The following DBNL variants were observed in gnomAD, a reference collection of about 807,000 sequenced individuals.
The protein encoded by DBNL is drebrin like, also known as drebrin-like protein.
DBNL carries 35 observed loss-of-function variants against 62.2 expected under a neutral mutation model. That is an observed-to-expected ratio of 0.56 (90% CI 0.43 to 0.75). DBNL has a LOEUF of 0.75. DBNL is among the 30% of genes least tolerant of loss of function. The pLI, the probability that DBNL is intolerant of heterozygous loss-of-function variation, is 0.00. For missense variants in DBNL, 495 were observed against 578.4 expected (o/e 0.86, Z 1.48); for synonymous variants, 197 against 218.0 (o/e 0.90, Z 0.85).
intron 2 of DBNL, chr7:44,051,054 T>G (rs2128790489): frequency 6.6e-6 from 1 of 152,334 alleles, no homozygotes; most frequent in East Asian, 1.9e-4. Flanking sequence ...GTTGCAGAGA[T>G]CAACAACTTG....
At chr7:44,053,124 G>T (rs10951755) in intron 4 of DBNL, among the ~76,000 whole-genome samples, 183 bp downstream of exon 4, 30,199 of 152,214 alleles carry the variant, frequency 0.2, 3,418 homozygotes, top group African/African-American at 0.31. Flanking sequence ...GTGAGTGCAT[G>T]GGAGGTCAGG....
chr7:44,061,037 C>A lies in DBNL; in HGVS notation c.*121C>A. ...ATAGGACCCCCAGTGAGGATGAGGC[C>A]TCAGGGCTCCCTCCGGCTTGGCAGA... On this transcript the variant is annotated 3_prime_UTR_variant, in exon 13 of 13. Transcript: ENST00000448521. 2 of 1,361,282 alleles carry A rather than the reference C, an allele frequency of 1.5e-6. No individual in the cohort carries two copies. The highest frequency in any genetic ancestry group is 2.0e-6 in the Non-Finnish European group (2 of 1,022,256). 84.3% of individuals were successfully genotyped at this position (1,361,282 alleles called of 1,614,324 possible). A position where few individuals can be genotyped will look rare whatever the true frequency, so the allele number is the denominator to read the frequency against.
chr7:44,045,287 C>T (rs763841001), intron 1 of DBNL, among the ~76,000 whole-genome samples: 1 of 152,210 alleles, frequency 6.6e-6, no homozygotes, highest in East Asian at 1.9e-4. Flanking sequence ...GCCTGGCAGC[C>T]GGGCTGTGAA....
At chr7:44,055,337 G>A (rs1334737825) in intron 4 of DBNL, among the ~76,000 whole-genome samples, 3 of 152,034 alleles carry the variant, frequency 2.0e-5, no homozygotes, top group Non-Finnish European at 2.9e-5. Context: ...GTGTGGTGGC[G>A]GGCACCTGTA....
chr7:44,068,299 TTG>T lies in DBNL; in HGVS notation c.*7387_*7388del, dbSNP rs1562662667. On this transcript the variant is annotated 3_prime_UTR_variant, in exon 13 of 13. Transcript: ENST00000448521. ...TTGGTAGGGATGTTGCAGGGAGCTG[TTG>T]TGTTTCAGGGAGAGTACAGAGAAGG... 1 of 152,088 alleles carries T rather than the reference TTG, an allele frequency of 6.6e-6. No homozygotes were observed. Among genetic ancestry groups the T allele is most frequent in the Admixed American group, 6.6e-5 (1 of 15,250 alleles). 9.4% of individuals were successfully genotyped at this position (152,088 alleles called of 1,614,324 possible).
At chr7:44,045,450 G>A (rs1173464071) in intron 1 of DBNL, among the ~76,000 whole-genome samples, 4 of 152,180 alleles carry the variant, frequency 2.6e-5, no homozygotes, top group African/African-American at 9.7e-5. Flanking sequence ...TAGGATGCTC[G>A]CTATCTATTT....
chr7:44,045,772 T>G (rs28712841), intron 1 of DBNL, among the ~76,000 whole-genome samples: 23,130 of 152,214 alleles, frequency 0.15, 2,155 homozygotes, highest in African/African-American at 0.26. Context: ...TTTTATGCAG[T>G]GTACTATTGT....
chr7:44,049,479 A>G (rs2096122777), intron 1 of DBNL, among the ~76,000 whole-genome samples: 1 of 152,214 alleles, frequency 6.6e-6, no homozygotes, highest in Non-Finnish European at 1.5e-5. Flanking sequence ...CTTATGAATA[A>G]TTAATCTTTC....
intron 1 of DBNL, among the ~76,000 whole-genome samples, chr7:44,046,153 C>A (rs1354396316): frequency 6.6e-6 from 1 of 152,200 alleles, no homozygotes; most frequent in Non-Finnish European, 1.5e-5. Context: ...AGTATCTCTG[C>A]AATGAGTGCC....
At chr7:44,047,244 C>T (rs1277111297) in intron 1 of DBNL, among the ~76,000 whole-genome samples, 1 of 152,192 alleles carries the variant, frequency 6.6e-6, no homozygotes, top group Non-Finnish European at 1.5e-5. Context: ...GTCCTCGGTG[C>T]TTGAGGCACG....
chr7:44,057,227 C>T (rs2128793108), intron 5 of DBNL, among the ~76,000 whole-genome samples: 1 of 152,340 alleles, frequency 6.6e-6, no homozygotes, highest in Middle Eastern at 3.4e-3. Flanking sequence ...TTGGGCTGCC[C>T]CTGGAGGTAG....
intron 8 of DBNL, 49 bp downstream of exon 8, chr7:44,058,529 G>A: frequency 1.9e-6 from 3 of 1,606,238 alleles, no homozygotes; most frequent in Non-Finnish European, 2.6e-6. Flanking sequence ...GCCACACGCA[G>A]AAGTCCCTGA....
chr7:44,058,551 G>A, intron 8 of DBNL, 71 bp downstream of exon 8: 1 of 1,581,594 alleles, frequency 6.3e-7, no homozygotes, highest in Non-Finnish European at 8.6e-7. Context: ...CTCGGATTGA[G>A]GGCCCAGCCC....
At chr7:44,045,702 C>G (rs1238825514) in intron 1 of DBNL, among the ~76,000 whole-genome samples, 1 of 152,250 alleles carries the variant, frequency 6.6e-6, no homozygotes, top group Admixed American at 6.5e-5. Context: ...GGGGCCATCT[C>G]CACTTGTGTA....
intron 3 of DBNL, among the ~76,000 whole-genome samples, chr7:44,052,654 G>A (rs529673083): frequency 2.2e-4 from 33 of 151,862 alleles, no homozygotes; most frequent in Non-Finnish European, 3.1e-4. Context: ...CCCCCACAGC[G>A]AAAGCCGGTA....
rs1441850252 is a variant in DBNL, at chr7:44,061,981, G to A, written c.*1065G>A. ...GGGCTGCCCTGCTCCCAGCTTCAGG[G>A]AGCCTCTGCCTACATGGGATGGCCC... is the stretch of plus-strand genomic sequence containing the variant. On this transcript the variant is annotated 3_prime_UTR_variant, in exon 13 of 13. Coordinates refer to ENST00000448521, the MANE Select transcript of DBNL (RefSeq NM_001014436.3). 6.5e-6 allele frequency: 1 copy of A among 152,750 alleles called. No homozygotes were observed. Among genetic ancestry groups the A allele is most frequent in the Non-Finnish European group, 1.5e-5 (1 of 68,482 alleles). The allele number at this position is 152,750 out of a possible 1,614,324, so 9.5% of individuals were successfully genotyped here.
At chr7:44,052,019 G>A in intron 3 of DBNL, 77 bp downstream of exon 3, 1 of 1,340,528 alleles carries the variant, frequency 7.5e-7, no homozygotes. Context: ...TTGACTTCAG[G>A]AACAAAGTGT....
In DBNL at chr7:44,064,721, G is replaced by A. The variant is rs532545910; in HGVS notation, c.*3805G>A. ...CCCTCCTTTTTCAGTGAATGATGTG[G>A]AGCCCCACGCCTAGAAAGCCTGGTC... On this transcript the variant is annotated 3_prime_UTR_variant, in exon 13 of 13. Transcript: ENST00000448521. 8 of 938,626 alleles carry A rather than the reference G, an allele frequency of 8.5e-6. No homozygotes were observed. In the South Asian group the frequency reaches 9.9e-5, roughly 12 times the overall value. 58.1% of individuals were successfully genotyped at this position (938,626 alleles called of 1,614,324 possible).
At position 44,062,759 on chromosome 7, in the gene DBNL, A is replaced by C. The variant is rs11981056; in HGVS notation, c.*1843A>C. The C allele has an allele frequency of 6.2e-7, 1 of 1,613,660 alleles. No homozygotes were observed. Among genetic ancestry groups the C allele is most frequent in the Non-Finnish European group, 8.5e-7 (1 of 1,179,910 alleles). The stretch of plus-strand genomic sequence containing the variant: ...GGAGGTGCCTTTATTGCCCAAGCCC[A>C]CCCCTCACTTGGCCTTGCCCTGGGC... On this transcript the variant is annotated 3_prime_UTR_variant, in exon 13 of 13. Coordinates refer to ENST00000448521, the MANE Select transcript of DBNL (RefSeq NM_001014436.3).
Sources: allele counts gnomAD v4.1 joint callset (sites outside exome capture counted in the v4.1 genomes callset), GRCh38; gene constraint gnomAD v4.1.1; transcripts MANE v1.5; gene names NCBI Gene and HGNC (gene_info 2026-07-23, HGNC 2026-07-21).